The following SGK1 variants were observed in gnomAD, a reference collection of about 807,000 sequenced individuals.
SGK1 encodes serum/glucocorticoid regulated kinase 1, also known as serine/threonine-protein kinase Sgk1.
A neutral mutation model predicts 64.2 loss-of-function variants in SGK1; 26 were observed. The ratio of observed to expected loss-of-function variants is 0.40; its 90% confidence interval spans 0.30 to 0.56. The LOEUF is 0.56. Ranked by LOEUF, SGK1 falls within the 20% of genes least tolerant of loss-of-function variation. The pLI, the probability that SGK1 is intolerant of heterozygous loss-of-function variation, is 0.38. For synonymous variants in SGK1, 265 were observed against 239.7 expected, an observed-to-expected ratio of 1.11 and a Z score of -0.98; for missense variants, 519 against 645.6, an observed-to-expected ratio of 0.80 and a Z score of 2.12.
At chr6:134,289,418 A>T (rs1465010429) in intron 1 of SGK1, among the ~76,000 whole-genome samples, 5 of 152,232 alleles carry the variant, frequency 3.3e-5, no homozygotes, top group Admixed American at 2.0e-4. Flanking sequence ...AGAGGAGTGC[A>T]GTCCAATAGG....
chr6:134,288,261 A>G (rs1284108093), intron 1 of SGK1, among the ~76,000 whole-genome samples: 1 of 152,218 alleles, frequency 6.6e-6, no homozygotes. Flanking sequence ...TAGCAATCTG[A>G]CAAGTTTTTA....
rs375512444 is a variant in SGK1, at chr6:134,174,842, C to A, written c.362-256G>T. 2.5e-3 allele frequency: 4,033 copies of A among 1,613,308 alleles called. 127 individuals carry two copies. In the South Asian group the frequency reaches 0.042, roughly 17 times the overall value. On this transcript the variant is annotated intron_variant, in intron 3 of 13. Transcript: ENST00000367858. ...GGGGAGACAGAAAGACGTTAGCGCT[C>A]AAAGACCGGCTCGGCGTATGCTGCG...
At chr6:134,292,529 G>A (rs961862925) in intron 1 of SGK1, among the ~76,000 whole-genome samples, 9 of 152,060 alleles carry the variant, frequency 5.9e-5, no homozygotes, top group Admixed American at 3.3e-4. Flanking sequence ...GGAGGCAGAG[G>A]CTGCAGTGAG....
chr6:134,195,734 C>T (rs958422481), intron 3 of SGK1, among the ~76,000 whole-genome samples: 10 of 152,252 alleles, frequency 6.6e-5, no homozygotes, highest in East Asian at 1.9e-4. Flanking sequence ...AACTAAGGTT[C>T]GCTCCAATTT....
rs1486158864 is a variant in SGK1, at chr6:134,227,755, C to T, written c.286-20324G>A. Among the ~76,000 whole-genome samples the T allele has an allele frequency of 2.6e-5, 4 of 152,174 alleles. No homozygotes were observed. The East Asian group carries it at 7.7e-4, about 29-fold the overall frequency. ...AGTAAATGCAGTTAGCTTTTAATCA[C>T]TTCATCACATTGACTCCAAATACGC... On this transcript the variant is annotated intron_variant, in intron 2 of 13. Transcript: ENST00000367858.
chr6:134,277,235 T>C (rs932784127), intron 1 of SGK1, among the ~76,000 whole-genome samples: 6 of 150,036 alleles, frequency 4.0e-5, no homozygotes, highest in African/African-American at 1.2e-4. Context: ...GGCAGAAGAA[T>C]TGCTTGAACC....
intron 1 of SGK1, among the ~76,000 whole-genome samples, chr6:134,275,096 A>G (rs200123193): frequency 6.6e-6 from 1 of 152,242 alleles, no homozygotes; most frequent in South Asian, 2.1e-4. Context: ...GGCGTGAGCC[A>G]CAGCGCCTGG....
chr6:134,226,986 C>T (rs1776192979), intron 2 of SGK1, among the ~76,000 whole-genome samples: 1 of 152,166 alleles, frequency 6.6e-6, no homozygotes, highest in Admixed American at 6.5e-5. Context: ...CCTCACTCAG[C>T]CCCTAAGAAG....
At chr6:134,181,405 C>A (rs546651744) in intron 3 of SGK1, among the ~76,000 whole-genome samples, 37 of 152,098 alleles carry the variant, frequency 2.4e-4, no homozygotes, top group African/African-American at 8.7e-4. Flanking sequence ...AGTGCAGTGG[C>A]GTGATCTCAG....
chr6:134,305,987 G>C (rs1177318205), intron 1 of SGK1, among the ~76,000 whole-genome samples: 2 of 152,180 alleles, frequency 1.3e-5, no homozygotes, highest in Non-Finnish European at 2.9e-5. Context: ...GCCAGGTCCT[G>C]AGGGTTTAAT....
intron 2 of SGK1, among the ~76,000 whole-genome samples, chr6:134,232,727 G>A (rs180756562): frequency 1.7e-4 from 26 of 151,618 alleles, no homozygotes; most frequent in Admixed American, 1.2e-3. Context: ...TGTGGGGGCC[G>A]GTAATCCCAG....
At chr6:134,174,985 G>T (rs898602144) in intron 3 of SGK1, 1 of 1,248,118 alleles carries the variant, frequency 8.0e-7, no homozygotes, top group Non-Finnish European at 1.1e-6. Flanking sequence ...CCGCCTCGCG[G>T]TTTGCTGGCG....
At position 134,273,297 on chromosome 6, in the gene SGK1, T is replaced by A. The variant is rs190425001; in HGVS notation, c.70-11149A>T. 8.6e-4 allele frequency among the ~76,000 whole-genome samples: 126 copies of A among 147,078 alleles called. 5 individuals are homozygous for A. The highest frequency in any genetic ancestry group is 3.0e-3 in the African/African-American group (125 of 41,052). On this transcript the variant is annotated intron_variant, in intron 1 of 13. Coordinates refer to ENST00000367858, the MANE Select transcript of SGK1 (RefSeq NM_001143676.3). ...CCAGTCAGGAAAAATCAGGGAAGGC[T>A]TTCTGGTGGAAGTGATGGTTAAGTT...
intron 2 of SGK1, among the ~76,000 whole-genome samples, chr6:134,223,309 G>A (rs1054374064): frequency 8.6e-5 from 13 of 151,616 alleles, no homozygotes; most frequent in South Asian, 6.3e-4. Context: ...TGGAGGTTGC[G>A]GTGAGCCGAG....
chr6:134,290,404 T>G (rs1374267476), intron 1 of SGK1, among the ~76,000 whole-genome samples: 6 of 151,680 alleles, frequency 4.0e-5, no homozygotes, highest in Admixed American at 3.9e-4. Context: ...GTACTTTTGT[T>G]TCAATAAATC....
At chr6:134,223,492 C>T (rs2114704579) in intron 2 of SGK1, among the ~76,000 whole-genome samples, 1 of 152,194 alleles carries the variant, frequency 6.6e-6, no homozygotes, top group Non-Finnish European at 1.5e-5. Flanking sequence ...TTGCAAATGA[C>T]ACTATATTCC....
At chr6:134,236,897 C>T (rs1046399224) in intron 2 of SGK1, among the ~76,000 whole-genome samples, 1 of 152,118 alleles carries the variant, frequency 6.6e-6, no homozygotes, top group Admixed American at 6.5e-5. Flanking sequence ...TAGAAGCCAT[C>T]ACTGCTATTT....
chr6:134,181,406 G>A (rs1001683975), intron 3 of SGK1, among the ~76,000 whole-genome samples: 2 of 151,996 alleles, frequency 1.3e-5, no homozygotes, highest in Admixed American at 6.6e-5. Context: ...GTGCAGTGGC[G>A]TGATCTCAGC....
chr6:134,208,198 C>A (rs2114686612), intron 2 of SGK1, among the ~76,000 whole-genome samples: 1 of 152,314 alleles, frequency 6.6e-6, no homozygotes, highest in East Asian at 1.9e-4. Context: ...AAGCGTGAAC[C>A]ACCGCACCTG....
Sources: allele counts gnomAD v4.1 joint callset (sites outside exome capture counted in the v4.1 genomes callset), GRCh38; gene constraint gnomAD v4.1.1; transcripts MANE v1.5; gene names NCBI Gene and HGNC (gene_info 2026-07-23, HGNC 2026-07-21).